The following ARPP21 variants were observed in gnomAD, a reference collection of about 807,000 sequenced individuals.
ARPP21 encodes cAMP-regulated phosphoprotein 21.
In ARPP21, 69 loss-of-function variants were observed where a neutral mutation model predicts 113.2. That is an observed-to-expected ratio of 0.61 (90% CI 0.50 to 0.74). The LOEUF (loss-of-function observed/expected upper bound fraction) is 0.74. Among genes scored for constraint, ARPP21 ranks in the 30% least tolerant of loss-of-function variants. ARPP21 has a pLI of 0.00. For synonymous variants in ARPP21, 368 were observed against 375.5 expected, an observed-to-expected ratio of 0.98 and a Z score of 0.23; for missense variants, 1,070 against 1,037.4, an observed-to-expected ratio of 1.03 and a Z score of -0.43.
intron 19 of ARPP21, chr3:35,744,416 T>C: frequency 6.1e-6 from 3 of 494,836 alleles, no homozygotes; most frequent in South Asian, 4.6e-5. Flanking sequence ...GGTGGAACTC[T>C]GACTCCATGG....
At chr3:35,767,500 TTG>T (rs1426815398) in intron 19 of ARPP21, among the ~76,000 whole-genome samples, 1 of 152,128 alleles carries the variant, frequency 6.6e-6, no homozygotes, top group African/African-American at 2.4e-5. Flanking sequence ...GAAAATAATT[TTG>T]TTTGTAATTG....
chr3:35,667,971 A>G (rs891947283), intron 1 of ARPP21, among the ~76,000 whole-genome samples: 15 of 130,520 alleles, frequency 1.1e-4, no homozygotes, highest in Non-Finnish European at 3.3e-5. Context: ...AAGAAGAAGA[A>G]GAAGAAGAAG....
intron 1 of ARPP21, among the ~76,000 whole-genome samples, chr3:35,670,476 A>G (rs972938418): frequency 6.6e-6 from 1 of 152,120 alleles, no homozygotes; most frequent in Non-Finnish European, 1.5e-5. Flanking sequence ...TTTTAGGTAG[A>G]GCATGCTCCT....
chr3:35,703,287 A>T (rs1004542616), intron 9 of ARPP21, among the ~76,000 whole-genome samples: 1 of 151,912 alleles, frequency 6.6e-6, no homozygotes, highest in African/African-American at 2.4e-5. Flanking sequence ...GGGGGAAAAA[A>T]CTAAAACTGG....
rs1395342603 is a variant in ARPP21, at chr3:35,667,923, G to GA, written c.-212-11863dup. 2.6e-4 allele frequency among the ~76,000 whole-genome samples: 33 copies of GA among 125,114 alleles called. 2 individuals are homozygous for GA. Among genetic ancestry groups the GA allele is most frequent in the Middle Eastern group, 4.1e-3 (1 of 242 alleles). 82.1% of individuals were successfully genotyped at this position (125,114 alleles called of 152,430 possible). On this transcript the variant is annotated intron_variant, in intron 1 of 20. Transcript: ENST00000684406. ...GAAGAGGAAGAGGAAGGAGGAGGAG[G>GA]AGGAGGAGGAGAAGGAGAAGAAGAA...
chr3:35,655,587 C>A (rs1026081532), intron 1 of ARPP21, among the ~76,000 whole-genome samples: 8 of 151,864 alleles, frequency 5.3e-5, no homozygotes, highest in African/African-American at 1.9e-4. Context: ...TAGCTCTGCC[C>A]CAGTGACTAA....
At chr3:35,691,770 T>C (rs561304695) in intron 9 of ARPP21, among the ~76,000 whole-genome samples, 4 of 151,566 alleles carry the variant, frequency 2.6e-5, no homozygotes, top group Non-Finnish European at 5.9e-5. Flanking sequence ...TACAAGCCAA[T>C]TTTATAACAA....
At chr3:35,743,770 T>C in intron 18 of ARPP21, 69 bp from the exon 19 acceptor site, 1 of 1,528,828 alleles carries the variant, frequency 6.5e-7, no homozygotes, top group East Asian at 2.3e-5. Context: ...GACGAAAGCA[T>C]ATTTTAAGTT....
chr3:35,758,859 A>AGT (rs368826370), intron 19 of ARPP21, among the ~76,000 whole-genome samples: 2 of 151,686 alleles, frequency 1.3e-5, no homozygotes, highest in African/African-American at 2.4e-5. Context: ...GGTTTTAAAA[A>AGT]GTGTGTGTGT....
chr3:35,777,504 C>A (rs1382325121), intron 19 of ARPP21, among the ~76,000 whole-genome samples: 2 of 152,284 alleles, frequency 1.3e-5, no homozygotes, highest in East Asian at 3.9e-4. Context: ...ACTATTTAGT[C>A]TCATTTAAAT....
rs554898023 is a variant in ARPP21 at position 35,729,387 on chromosome 3, G to T, written c.1310G>T (p.Gly437Val). The T allele has an allele frequency of 6.2e-7, 1 of 1,614,156 alleles. No homozygotes were observed. The highest frequency in any genetic ancestry group is 2.2e-5 in the East Asian group (1 of 44,864). Residue 437 changes from glycine (G) to valine (V), a missense_variant, in exon 15 of 21, where the codon GGT (glycine) becomes GTT (valine). Physicochemically the swap from Gly to Val is moderately radical, Grantham distance 109. Coordinates refer to ENST00000684406, the MANE Select transcript of ARPP21 (RefSeq NM_001385562.1). Reference sequence around the variant, plus strand: ...CTCCAGAGCACACCCCTAGTCTCAGGTGTGGCAGCTGGCTCTCCAGGCTGT... The same window carrying T: ...CTCCAGAGCACACCCCTAGTCTCAGTTGTGGCAGCTGGCTCTCCAGGCTGT... ...PPLQSTPLVS[G>V]VAAGSPGCVP...
chr3:35,709,638 T>C lies in ARPP21; in HGVS notation c.897+568T>C, dbSNP rs1405206749. Among the ~76,000 whole-genome samples the C allele has an allele frequency of 2.6e-5, 4 of 152,090 alleles. No individual in the cohort carries two copies. In the East Asian group the frequency reaches 7.7e-4, roughly 29 times the overall value. ...AAACAAATCCGAACAACAAAAAAAATGGTTGGAATTTTTTATCTTTACCCA... is the reference window on the plus strand; with the variant it reads ...AAACAAATCCGAACAACAAAAAAAACGGTTGGAATTTTTTATCTTTACCCA... On this transcript the variant is annotated intron_variant, in intron 11 of 20. Transcript: ENST00000684406.
intron 15 of ARPP21, among the ~76,000 whole-genome samples, chr3:35,730,298 AT>A (rs553354190): frequency 2.0e-3 from 298 of 152,330 alleles, no homozygotes; most frequent in African/African-American, 6.8e-3. Flanking sequence ...ACATCTGCCA[AT>A]TTGCAGGGGA....
chr3:35,775,473 T>G (rs1177354894), intron 19 of ARPP21, among the ~76,000 whole-genome samples: 1 of 152,128 alleles, frequency 6.6e-6, no homozygotes. Flanking sequence ...TATACATATG[T>G]GTGTGTATAT....
At chr3:35,665,372 T>A (rs1373384275) in intron 1 of ARPP21, among the ~76,000 whole-genome samples, 1 of 152,074 alleles carries the variant, frequency 6.6e-6, no homozygotes, top group African/African-American at 2.4e-5. Flanking sequence ...CTCATGAAAT[T>A]ATGAGAGCTT....
At chr3:35,745,028 G>GATAAA (rs1163876456) in intron 19 of ARPP21, among the ~76,000 whole-genome samples, 1 of 152,054 alleles carries the variant, frequency 6.6e-6, no homozygotes, top group African/African-American at 2.4e-5. Flanking sequence ...TTATCTCATG[G>GATAAA]CCTATTTAAA....
intron 1 of ARPP21, among the ~76,000 whole-genome samples, chr3:35,648,427 A>G (rs1259531379): frequency 6.6e-6 from 1 of 152,164 alleles, no homozygotes; most frequent in Admixed American, 6.5e-5. Context: ...GACTAACAAC[A>G]TATTTGAGGT....
intron 10 of ARPP21, among the ~76,000 whole-genome samples, chr3:35,708,500 C>A (rs1356741321): frequency 6.6e-6 from 1 of 152,236 alleles, no homozygotes; most frequent in Non-Finnish European, 1.5e-5. Flanking sequence ...TAATTACTTT[C>A]TTTGCTCACT....
chr3:35,685,179 G>T (rs1442160258), intron 5 of ARPP21: 9 of 985,238 alleles, frequency 9.1e-6, no homozygotes, highest in Non-Finnish European at 9.6e-6. Flanking sequence ...ATTTGACAAG[G>T]TACCAGGAGG....
Sources: gnomAD v4.1 joint callset for allele counts (sites outside exome capture counted in the v4.1 genomes callset) on GRCh38, gnomAD v4.1.1 for gene constraint, MANE v1.5 for transcripts, NCBI Gene and HGNC (gene_info 2026-07-23, HGNC 2026-07-21) for gene names.